Variants in DNAH12 observed in about 807,000 individuals in gnomAD.
DNAH12 encodes axonemal beta dynein heavy chain 12.
DNAH12 carries 285 observed loss-of-function variants against 371.5 expected under a neutral mutation model. The ratio of observed to expected loss-of-function variants is 0.77; its 90% CI spans 0.70 to 0.85. The LOEUF is 0.85. Among genes scored for constraint, DNAH12 ranks in the 40% least tolerant of loss-of-function variants. The pLI is 0.00. For synonymous variants in DNAH12, 1,200 were observed against 1,213.0 expected (o/e 0.99, Z 0.22); for missense variants, 3,611 against 3,689.4 (o/e 0.98, Z 0.55).
intron 2 of DNAH12, among the ~76,000 whole-genome samples, chr3:57,536,664 A>C (rs1276915160): frequency 6.6e-6 from 1 of 152,214 alleles, no homozygotes; most frequent in Non-Finnish European, 1.5e-5. Context: ...TCTAGCTCTC[A>C]GTGATTGCTA....
chr3:57,387,938 AT>A (rs1264823162), intron 45 of DNAH12, among the ~76,000 whole-genome samples: 1 of 151,602 alleles, frequency 6.6e-6, no homozygotes, highest in African/African-American at 2.4e-5. Flanking sequence ...TTACCTTTAG[AT>A]TTTTTTTTCA....
intron 58 of DNAH12, among the ~76,000 whole-genome samples, chr3:57,357,888 A>T (rs1049504476): frequency 2.0e-5 from 3 of 152,232 alleles, no homozygotes; most frequent in African/African-American, 7.2e-5. Context: ...TTTATATACA[A>T]GAATGCTTTT....
At chr3:57,431,644 C>T (rs987552595) in intron 32 of DNAH12, among the ~76,000 whole-genome samples, 2 of 152,116 alleles carry the variant, frequency 1.3e-5, no homozygotes, top group East Asian at 3.8e-4. Flanking sequence ...ACTTTGAAGT[C>T]TTACTATATT....
chr3:57,508,874 G>A (rs778076731), intron 6 of DNAH12, among the ~76,000 whole-genome samples: 9 of 152,128 alleles, frequency 5.9e-5, no homozygotes, highest in Non-Finnish European at 1.0e-4. Context: ...AAAGAAAAGC[G>A]CTGGAGAAAT....
At chr3:57,395,019 T>C (rs2063707578) in intron 43 of DNAH12, among the ~76,000 whole-genome samples, 1 of 152,162 alleles carries the variant, frequency 6.6e-6, no homozygotes. Context: ...AATTGAATTA[T>C]ATAAACTTGC....
chr3:57,413,934 G>C (rs1380133820), intron 38 of DNAH12, 22 bp from the exon 39 acceptor site: 1 of 1,541,356 alleles, frequency 6.5e-7, no homozygotes, highest in African/African-American at 1.4e-5. Context: ...AGGAAGAATG[G>C]TATATTTACC....
chr3:57,294,021 A>G (rs1559528062), intron 73 of DNAH12, 50 bp from the exon 74 acceptor site: 2 of 1,388,746 alleles, frequency 1.4e-6, no homozygotes, highest in Non-Finnish European at 1.9e-6. Flanking sequence ...AAAAACAGCC[A>G]TTGGTACGAA....
chr3:57,517,946 C>T (rs910553259), intron 4 of DNAH12, among the ~76,000 whole-genome samples: 2 of 152,016 alleles, frequency 1.3e-5, no homozygotes, highest in African/African-American at 4.8e-5. Context: ...CCCAGCTCCT[C>T]GGGAGGCTGA....
chr3:57,448,630 C>T (rs1307374063), intron 25 of DNAH12, among the ~76,000 whole-genome samples: 1 of 152,222 alleles, frequency 6.6e-6, no homozygotes, highest in Non-Finnish European at 1.5e-5. Context: ...CCAATGCTGG[C>T]TCAGGCAGCC....
chr3:57,466,211 T>C (rs985690398), intron 17 of DNAH12, among the ~76,000 whole-genome samples: 6 of 152,148 alleles, frequency 3.9e-5, no homozygotes, highest in African/African-American at 9.7e-5. Context: ...ATACATTGTA[T>C]GCTACACTTC....
At chr3:57,535,173 T>C (rs2068986205) in intron 2 of DNAH12, among the ~76,000 whole-genome samples, 2 of 152,220 alleles carry the variant, frequency 1.3e-5, no homozygotes, top group Admixed American at 1.3e-4. Flanking sequence ...TATAGTCTAA[T>C]TAAGTGAATC....
At chr3:57,548,250 C>T (rs1003562684), upstream of DNAH12, among the ~76,000 whole-genome samples, 20 of 152,132 alleles carry the variant, frequency 1.3e-4, no homozygotes, top group African/African-American at 4.3e-4. Context: ...CAAAGGTTTC[C>T]TGTATAATTT....
intron 69 of DNAH12, among the ~76,000 whole-genome samples, chr3:57,305,066 T>C (rs2107664492): frequency 6.6e-6 from 1 of 152,238 alleles, no homozygotes; most frequent in African/African-American, 2.4e-5. Context: ...CAATACAAAC[T>C]CGACAGTGGT....
chr3:57,523,571 A>C lies in DNAH12; in HGVS notation c.279+12T>G, dbSNP rs376943186. On this transcript the variant is annotated intron_variant, in intron 4 of 73. Coordinates refer to ENST00000495027, the MANE Select transcript of DNAH12 (RefSeq NM_001366028.2). ...ACATTTTCAAACAAGAAATATAAAAACTTGAACTCACTCCTTTTTTTTTCA... is the reference window on the plus strand; with the variant it reads ...ACATTTTCAAACAAGAAATATAAAACCTTGAACTCACTCCTTTTTTTTTCA... 6 of 1,580,026 alleles carry C rather than the reference A, an allele frequency of 3.8e-6. No individual in the cohort carries two copies. The highest frequency in any genetic ancestry group is 5.2e-6 in the Non-Finnish European group (6 of 1,163,600).
intron 55 of DNAH12, among the ~76,000 whole-genome samples, chr3:57,369,595 A>G (rs1036502256): frequency 6.6e-6 from 1 of 151,970 alleles, no homozygotes; most frequent in Non-Finnish European, 1.5e-5. Context: ...AATCCCACCT[A>G]AAGTACAAAA....
At chr3:57,337,120 CAG>C (rs2062242402) in intron 60 of DNAH12, among the ~76,000 whole-genome samples, 2 of 152,070 alleles carry the variant, frequency 1.3e-5, no homozygotes, top group African/African-American at 4.8e-5. Flanking sequence ...CAGAAAAAAA[CAG>C]ACTTTAAGTT....
intron 42 of DNAH12, among the ~76,000 whole-genome samples, chr3:57,404,195 T>C (rs2063954638): frequency 6.6e-6 from 1 of 152,040 alleles, no homozygotes; most frequent in Non-Finnish European, 1.5e-5. Context: ...AAACTAGAAG[T>C]CACCTAAAAT....
Position 57,419,494 on chromosome 3 carries a change from G to A in DNAH12, c.5587C>T (p.His1863Tyr), listed in dbSNP as rs903180682. 4 of 1,456,982 alleles carry A rather than the reference G, an allele frequency of 2.7e-6. No homozygotes were observed. The highest frequency in any genetic ancestry group is 3.0e-5 in the Admixed American group (1 of 33,784). The allele number at this position is 1,456,982 out of a possible 1,614,324, so 90.3% of individuals were successfully genotyped here. Reference sequence around the variant, plus strand: ...GTATTTTTAATTAATTCATTCCAATGGACCCAGCGACCTTTGTTTTTCAAC... The same window carrying A: ...GTATTTTTAATTAATTCATTCCAATAGACCCAGCGACCTTTGTTTTTCAAC... ...YELKNKGRWV[H>Y]WNELIKNTNL... The change falls in exon 37 of 74, where the codon CAT becomes TAT. Residue 1863 changes from histidine to tyrosine, a missense_variant. Physicochemically the swap from His to Tyr is moderately conservative, Grantham distance 83. This residue lies in a region of DNAH12 where 2,266 missense variants were observed against 2,236.9 expected (regional missense o/e 1.01). Coordinates refer to ENST00000495027, the MANE Select transcript of DNAH12 (RefSeq NM_001366028.2).
At chr3:57,501,476 T>C in intron 10 of DNAH12, 64 bp from the exon 11 acceptor site, 1 of 1,218,778 alleles carries the variant, frequency 8.2e-7, no homozygotes, top group South Asian at 1.4e-5. Context: ...AACACTTTTT[T>C]TATATGATCA....
Sources: gnomAD v4.1 joint callset for allele counts (sites outside exome capture counted in the v4.1 genomes callset) on GRCh38, gnomAD v4.1.1 for gene constraint, gnomAD v4.1.1 regional missense constraint, MANE v1.5 for transcripts, NCBI Gene and HGNC (gene_info 2026-07-23, HGNC 2026-07-21) for gene names.